The following PCDHGA1 variants were observed in gnomAD, a reference collection of about 807,000 sequenced individuals.
PCDHGA1 encodes protocadherin gamma subfamily A, 1, also known as protocadherin gamma-A1.
PCDHGA1 carries 32 observed loss-of-function variants against 58.0 expected under a neutral mutation model. The observed-to-expected ratio is 0.55, with a 90% CI of 0.42 to 0.74. PCDHGA1 has a LOEUF of 0.74. PCDHGA1 is among the 30% of genes least tolerant of loss of function. The pLI is 0.00. For synonymous variants in PCDHGA1, 498 were observed against 501.1 expected (o/e 0.99, Z 0.08); for missense variants, 1,205 against 1,182.3 (o/e 1.02, Z -0.28).
At chr5:141,510,139 G>T (rs931012964) in intron 3 of PCDHGA1, among the ~76,000 whole-genome samples, 1 of 152,136 alleles carries the variant, frequency 6.6e-6, no homozygotes, top group Non-Finnish European at 1.5e-5. Context: ...CTGGGCTAGT[G>T]GTGTGCACCT....
chr5:141,491,980 C>A lies in PCDHGA1; in HGVS notation c.2422-2827C>A. On this transcript the variant is annotated intron_variant, in intron 1 of 3. Coordinates refer to ENST00000517417, the MANE Select transcript of PCDHGA1 (RefSeq NM_018912.3). This position sits in a 1 kb window ranked among gnomAD's most constrained non-coding sequence, Gnocchi z 6.9. ...AAAAAAGGCCGGGGCCTCCTTCGAGCTTCCGGTGAATTTCGGGCGATTTCC... is the reference window on the plus strand; with the variant it reads ...AAAAAAGGCCGGGGCCTCCTTCGAGATTCCGGTGAATTTCGGGCGATTTCC... 1.3e-6 allele frequency: 1 copy of A among 784,426 alleles called. No homozygotes were observed. Among genetic ancestry groups the A allele is most frequent in the Non-Finnish European group, 1.9e-6 (1 of 530,582 alleles). The allele number at this position is 784,426 out of a possible 1,614,324, so 48.6% of individuals were successfully genotyped here.
chr5:141,360,213 CG>C, intron 1 of PCDHGA1: 1 of 1,613,128 alleles, frequency 6.2e-7, no homozygotes, highest in Non-Finnish European at 8.5e-7. Flanking sequence ...CTTTGTTCCC[CG>C]GGGCTCTCCC....
chr5:141,487,380 G>A lies in PCDHGA1; in HGVS notation c.2422-7427G>A. On this transcript the variant is annotated intron_variant, in intron 1 of 3. Transcript: ENST00000517417. This position sits in a 1 kb window ranked among gnomAD's most constrained non-coding sequence, Gnocchi z 5.0. ...GCTGGCACCTGTGCCTGTCTCACCA[G>A]ATCTCGAAGGAGGGAGGGGCTTCCC... is the stretch of plus-strand genomic sequence containing the variant. The A allele has an allele frequency of 1.2e-6, 2 of 1,614,202 alleles. No individual in the cohort carries two copies. The highest frequency in any genetic ancestry group is 2.2e-5 in the South Asian group (2 of 91,078).
rs1307889557 is a variant in PCDHGA1, at chr5:141,486,267, C to G, written c.2422-8540C>G. On this transcript the variant is annotated intron_variant, in intron 1 of 3. Transcript: ENST00000517417. The surrounding 1 kb of genome is among the most constrained non-coding windows in gnomAD (Gnocchi z 5.0). ...GGAACCCTCCCCGAGAGTGCAGAAC[C>G]TGGCACTGTGGTGGCACTTATCAGT... 1 of 1,614,128 alleles carries G rather than the reference C, an allele frequency of 6.2e-7. No homozygotes were observed. Among genetic ancestry groups the G allele is most frequent in the South Asian group, 1.1e-5 (1 of 91,072 alleles).
intron 1 of PCDHGA1, chr5:141,424,767 A>T (rs139479155): frequency 2.9e-4 from 44 of 152,290 alleles, no homozygotes; most frequent in African/African-American, 1.0e-3. Flanking sequence ...TTCTTATGGC[A>T]AATAGTACAT....
intron 1 of PCDHGA1, chr5:141,350,778 A>T: frequency 6.2e-7 from 1 of 1,613,974 alleles, no homozygotes; most frequent in Non-Finnish European, 8.5e-7. Flanking sequence ...AACCCCAATC[A>T]ATACTTCTCT....
chr5:141,441,136 GA>G (rs1379465827), intron 1 of PCDHGA1: 2 of 152,304 alleles, frequency 1.3e-5, no homozygotes, highest in Middle Eastern at 3.4e-3. Flanking sequence ...CGAATTTCTA[GA>G]AGATAATGAC....
At chr5:141,393,952 G>C in intron 1 of PCDHGA1, 4 of 1,613,916 alleles carry the variant, frequency 2.5e-6, no homozygotes, top group Non-Finnish European at 3.4e-6. Context: ...GGAAAGAATG[G>C]TCAAGTTGTC....
rs561548499 is a variant in PCDHGA1, at chr5:141,414,930, C to T, written c.2422-79877C>T. On this transcript the variant is annotated intron_variant, in intron 1 of 3. Coordinates refer to ENST00000517417, the MANE Select transcript of PCDHGA1 (RefSeq NM_018912.3). ...CAGGCGTGGAGCTGGCGCCCCGCTC[C>T]GCAGAGCCCGGCTACCTGGTGACCA... 1.9e-6 allele frequency: 3 copies of T among 1,614,156 alleles called. No homozygotes were observed. The South Asian group carries it at 3.3e-5, about 18-fold the overall frequency.
At chr5:141,399,063 A>G (rs762517133) in intron 1 of PCDHGA1, 1 of 1,613,714 alleles carries the variant, frequency 6.2e-7, no homozygotes, top group South Asian at 1.1e-5. Flanking sequence ...AGGAATATTC[A>G]ATGGTTGTAG....
At position 141,332,607 on chromosome 5, in the gene PCDHGA1, T is replaced by C. The variant is rs775144818; in HGVS notation, c.1923T>C (p.Ser641=). 8.6e-5 allele frequency: 138 copies of C among 1,612,072 alleles called. No individual in the cohort carries two copies. Among genetic ancestry groups the C allele is most frequent in the African/African-American group, 1.9e-4 (14 of 74,738 alleles). The change falls in exon 1 of 4, where the codon AGT becomes AGC. Residue 641 remains serine, a synonymous_variant. Coordinates refer to ENST00000517417, the MANE Select transcript of PCDHGA1 (RefSeq NM_018912.3). The surrounding 1 kb of genome is among the most constrained non-coding windows in gnomAD (Gnocchi z 4.6). Reference sequence around the variant, plus strand: ...TGGACAGAGACGCGCTCAAGCAGAGTCTCGTGGTGGCCGTCCAGGACCACG... The same window carrying C: ...TGGACAGAGACGCGCTCAAGCAGAGCCTCGTGGTGGCCGTCCAGGACCACG... ...ALLDRDALKQ[S]LVVAVQDHGQ... is the part of the protein sequence containing the mutation.
chr5:141,511,641 A>C lies in PCDHGA1; in HGVS notation c.*468A>C. On this transcript the variant is annotated 3_prime_UTR_variant, in exon 4 of 4. Transcript: ENST00000517417. ...TCTGAAAAGTTGGAAGGGCATCATG[A>C]CCTCTTGGCCTCTCCTTTGATTCTC... 1 of 224,930 alleles carries C rather than the reference A, an allele frequency of 4.4e-6. No homozygotes were observed. The allele number at this position is 224,930 out of a possible 1,614,324, so 13.9% of individuals were successfully genotyped here. A position where few individuals can be genotyped will look rare whatever the true frequency, so the allele number is the denominator to read the frequency against.
At chr5:141,418,646 A>C (rs986717136) in intron 1 of PCDHGA1, 2 of 1,614,010 alleles carry the variant, frequency 1.2e-6, no homozygotes, top group Admixed American at 3.3e-5. Context: ...CTCCATCCTG[A>C]GAGTGAAGGC....
chr5:141,405,398 C>A, intron 1 of PCDHGA1: 1 of 1,590,262 alleles, frequency 6.3e-7, no homozygotes, highest in Non-Finnish European at 8.6e-7. Flanking sequence ...TTTTTTCTTT[C>A]TTTCTTTTCT....
At chr5:141,393,669 G>A in intron 1 of PCDHGA1, 1 of 1,613,886 alleles carries the variant, frequency 6.2e-7, no homozygotes, top group Non-Finnish European at 8.5e-7. Flanking sequence ...GAAAATTAAT[G>A]AAAAACAAAC....
chr5:141,441,891 G>A, intron 1 of PCDHGA1: 1 of 348,040 alleles, frequency 2.9e-6, no homozygotes, highest in East Asian at 9.1e-5. Flanking sequence ...TCACCAAGGT[G>A]GTGGCTGTAG....
At chr5:141,381,294 A>C (rs1777116349) in intron 1 of PCDHGA1, among the ~76,000 whole-genome samples, 1 of 152,236 alleles carries the variant, frequency 6.6e-6, no homozygotes, top group African/African-American at 2.4e-5. Flanking sequence ...TTTATTCCAG[A>C]GCAGGTCATT....
chr5:141,407,873 A>T (rs561323423), intron 1 of PCDHGA1: 1 of 354,686 alleles, frequency 2.8e-6, no homozygotes, highest in Non-Finnish European at 5.1e-6. Flanking sequence ...CGAAGAATAT[A>T]TACATTTCGG....
chr5:141,472,733 C>T (rs1450872513), intron 1 of PCDHGA1, among the ~76,000 whole-genome samples: 2 of 151,996 alleles, frequency 1.3e-5, no homozygotes, highest in Non-Finnish European at 2.9e-5. Context: ...CACCTGTAAT[C>T]CCAGCACTTT....
Sources: gnomAD v4.1 joint callset for allele counts (sites outside exome capture counted in the v4.1 genomes callset) on GRCh38, gnomAD v4.1.1 for gene constraint, Gnocchi (gnomAD v3.1) non-coding constraint, MANE v1.5 for transcripts, NCBI Gene and HGNC (gene_info 2026-07-23, HGNC 2026-07-21) for gene names.